INSL6: variants seen among roughly 807,000 people sequenced by gnomAD.
INSL6 encodes insulin like 6.
A neutral mutation model predicts 9.4 loss-of-function variants in INSL6; 16 were observed. The ratio of observed to expected loss-of-function variants is 1.70; its 90% CI spans 1.15 to 2.59. INSL6 has a LOEUF of 2.59. Among genes scored for constraint, INSL6 ranks in the 30% most tolerant of loss-of-function variants. The pLI, the probability that INSL6 is intolerant of heterozygous loss-of-function variation, is 0.00. For missense variants in INSL6, 391 were observed against 257.3 expected, an observed-to-expected ratio of 1.52 and a Z score of -3.56; for synonymous variants, 154 against 96.9, an observed-to-expected ratio of 1.59 and a Z score of -3.46.
chr9:5,089,953 C>G, the INSL6 span: 1 of 860,064 alleles, frequency 1.2e-6, no homozygotes, highest in East Asian at 3.2e-5. Flanking sequence ...ACGATCTGGA[C>G]TTATGCCAAT....
intron 3 of INSL6, among the ~76,000 whole-genome samples, chr9:5,131,435 A>AATTTTTTTT (rs570894386): frequency 8.6e-6 from 1 of 115,858 alleles, no homozygotes; most frequent in Non-Finnish European, 1.7e-5. Context: ...CCAGTTAACA[A>AATTTTTTTT]TTTTTTTTTT....
intron 1 of INSL6, among the ~76,000 whole-genome samples, chr9:5,177,681 C>A (rs1825342403): frequency 1.3e-5 from 2 of 152,186 alleles, no homozygotes; most frequent in South Asian, 4.1e-4. Context: ...TTCCAGCCAC[C>A]CAAAGCAAAA....
At chr9:5,153,435 C>T (rs149970701) in intron 2 of INSL6, among the ~76,000 whole-genome samples, 4 of 152,178 alleles carry the variant, frequency 2.6e-5, no homozygotes, top group African/African-American at 9.6e-5. Flanking sequence ...GAAGTTTGAA[C>T]AGGGTGGAGC....
the INSL6 span, among the ~76,000 whole-genome samples, chr9:5,055,254 G>C: frequency 6.6e-6 from 1 of 151,944 alleles, no homozygotes; most frequent in Admixed American, 6.6e-5. Context: ...ATATATACCT[G>C]CTAAATAATG....
At chr9:5,054,509 A>G in the INSL6 span, 2 of 1,410,310 alleles carry the variant, frequency 1.4e-6, no homozygotes, top group South Asian at 1.4e-5. The surrounding 1 kb of genome is among the most constrained non-coding windows in gnomAD (Gnocchi z 4.9). Flanking sequence ...TTTTAGATTT[A>G]TCTTCCAATT....
At chr9:5,183,401 G>A (rs1825501037) in intron 1 of INSL6, among the ~76,000 whole-genome samples, 1 of 152,234 alleles carries the variant, frequency 6.6e-6, no homozygotes, top group African/African-American at 2.4e-5. Context: ...AATATTTTCA[G>A]ATACATTTTT....
At chr9:5,182,172 T>C (rs1825471125) in intron 1 of INSL6, among the ~76,000 whole-genome samples, 1 of 152,122 alleles carries the variant, frequency 6.6e-6, no homozygotes, top group African/African-American at 2.4e-5. Context: ...AGGTTAGGTG[T>C]TCAAAACTGA....
the INSL6 span, chr9:5,114,348 G>T: frequency 7.5e-6 from 4 of 536,578 alleles, no homozygotes; most frequent in Non-Finnish European, 1.5e-5. Flanking sequence ...CCTAAGGCAA[G>T]AGAAGCAGTG....
chr9:5,172,498 G>C (rs920205467), intron 1 of INSL6, among the ~76,000 whole-genome samples: 4 of 152,190 alleles, frequency 2.6e-5, no homozygotes, highest in African/African-American at 9.7e-5. Context: ...CACAGCAAAA[G>C]AAACTACCAT....
At chr9:5,011,101 G>A in the INSL6 span, among the ~76,000 whole-genome samples, 3 of 152,198 alleles carry the variant, frequency 2.0e-5, no homozygotes, top group Admixed American at 6.5e-5. Flanking sequence ...GTATGGATTT[G>A]TATAGATTGG....
the INSL6 span, among the ~76,000 whole-genome samples, chr9:5,070,885 C>G: frequency 6.6e-6 from 1 of 152,132 alleles, no homozygotes; most frequent in East Asian, 1.9e-4. Context: ...AGGGCCAGGT[C>G]TCAGACCTGT....
the INSL6 span, chr9:5,072,550 T>C: frequency 1.2e-5 from 19 of 1,610,340 alleles, no homozygotes; most frequent in Admixed American, 2.3e-4. Flanking sequence ...CGAAGAGAAG[T>C]AGGAGACTAC....
At chr9:5,110,531 T>A in the INSL6 span, 1 of 156,554 alleles carries the variant, frequency 6.4e-6, no homozygotes, top group South Asian at 2.0e-4. Context: ...AACAAGATAT[T>A]TGAAAAATAG....
chr9:5,145,357 T>C (rs1824581854), intron 2 of INSL6, among the ~76,000 whole-genome samples: 1 of 152,172 alleles, frequency 6.6e-6, no homozygotes, highest in African/African-American at 2.4e-5. Context: ...CCTTTATAGG[T>C]GACCTGGCCT....
the INSL6 span, chr9:5,110,187 C>G: frequency 5.3e-5 from 8 of 152,180 alleles, no homozygotes; most frequent in African/African-American, 1.9e-4. Context: ...AGGCCCAACC[C>G]CAGCCTCAGC....
chr9:5,015,461 G>A, the INSL6 span, among the ~76,000 whole-genome samples: 184 of 152,226 alleles, frequency 1.2e-3, 1 homozygote, highest in African/African-American at 3.8e-3. Flanking sequence ...TGAGTTAAAC[G>A]GCTGGCACCT....
At chr9:5,023,553 G>A in the INSL6 span, among the ~76,000 whole-genome samples, 1 of 152,278 alleles carries the variant, frequency 6.6e-6, no homozygotes, top group East Asian at 1.9e-4. Flanking sequence ...TCTCTCCTGT[G>A]ACTAAAATTC....
chr9:5,090,191 C>G, the INSL6 span, among the ~76,000 whole-genome samples: 1 of 152,282 alleles, frequency 6.6e-6, no homozygotes, highest in African/African-American at 2.4e-5. Context: ...AGGAAGTTTT[C>G]TCATCAGTTT....
chr9:5,018,459 C>G, the INSL6 span, among the ~76,000 whole-genome samples: 4 of 152,170 alleles, frequency 2.6e-5, no homozygotes, highest in African/African-American at 9.7e-5. Context: ...GCCTCAGCCT[C>G]TCAGGTAGCT....
Sources: gnomAD v4.1 joint callset for allele counts (sites outside exome capture counted in the v4.1 genomes callset) on GRCh38, gnomAD v4.1.1 for gene constraint, Gnocchi (gnomAD v3.1) non-coding constraint, MANE v1.5 for transcripts, NCBI Gene and HGNC (gene_info 2026-07-23, HGNC 2026-07-21) for gene names.